The following PCDH9 variants were observed in gnomAD, a reference collection of about 807,000 sequenced individuals.
PCDH9 encodes the protein protocadherin-9.
In PCDH9, 24 loss-of-function variants were observed where a neutral mutation model predicts 70.6. The observed-to-expected ratio is 0.34, with a 90% CI of 0.25 to 0.48. The LOEUF is 0.48. Ranked by LOEUF, PCDH9 falls within the 20% of genes least tolerant of loss-of-function variation. PCDH9 has a pLI of 0.99. For synonymous variants in PCDH9, 562 were observed against 558.5 expected, an observed-to-expected ratio of 1.01 and a Z score of -0.09; for missense variants, 1,281 against 1,503.6, an observed-to-expected ratio of 0.85 and a Z score of 2.45.
chr13:66,432,520 T>A (rs1379258504), intron 4 of PCDH9, among the ~76,000 whole-genome samples: 1 of 151,892 alleles, frequency 6.6e-6, no homozygotes, highest in Non-Finnish European at 1.5e-5. Context: ...TTTAGTGAAA[T>A]TAGAAAAAAA....
At chr13:67,156,655 C>T (rs1287830301) in intron 2 of PCDH9, among the ~76,000 whole-genome samples, 1 of 152,198 alleles carries the variant, frequency 6.6e-6, no homozygotes, top group Admixed American at 6.5e-5. Flanking sequence ...TTTCGGTACA[C>T]AAAGGCGAGA....
At chr13:66,444,742 G>A (rs763033702) in intron 4 of PCDH9, among the ~76,000 whole-genome samples, 16 of 151,888 alleles carry the variant, frequency 1.1e-4, no homozygotes, top group Non-Finnish European at 2.2e-4. Flanking sequence ...TGTATTTTTA[G>A]TAGAGACGGG....
intron 4 of PCDH9, among the ~76,000 whole-genome samples, chr13:66,568,159 A>C (rs560589409): frequency 1.3e-5 from 2 of 152,268 alleles, no homozygotes; most frequent in East Asian, 3.9e-4. Flanking sequence ...TCTCCTAATC[A>C]TAAGAAGAAG....
At chr13:66,643,541 G>A (rs974090419) in intron 3 of PCDH9, among the ~76,000 whole-genome samples, 1 of 151,914 alleles carries the variant, frequency 6.6e-6, no homozygotes, top group East Asian at 1.9e-4. Context: ...AAACATTACC[G>A]AGTCACCTAT....
At chr13:67,063,660 T>G (rs1056701161) in intron 2 of PCDH9, among the ~76,000 whole-genome samples, 12 of 152,080 alleles carry the variant, frequency 7.9e-5, no homozygotes, top group African/African-American at 2.9e-4. Context: ...AATAGCAAAA[T>G]GCCTGTTTCA....
chr13:66,834,747 T>C (rs1279403413), intron 3 of PCDH9, among the ~76,000 whole-genome samples: 3 of 152,322 alleles, frequency 2.0e-5, no homozygotes, highest in African/African-American at 7.2e-5. Context: ...AGAATCAAAA[T>C]GCATAATGTT....
At chr13:66,838,889 G>A (rs531789290) in intron 3 of PCDH9, among the ~76,000 whole-genome samples, 114 of 151,862 alleles carry the variant, frequency 7.5e-4, no homozygotes, top group Non-Finnish European at 1.4e-3. Context: ...TAAAAATAAT[G>A]TCACTTATTT....
chr13:67,009,159 T>C (rs537936790), intron 2 of PCDH9, among the ~76,000 whole-genome samples: 1 of 152,246 alleles, frequency 6.6e-6, no homozygotes, highest in East Asian at 1.9e-4. Context: ...CGCAGGCTAC[T>C]GGTCTCAGAG....
intron 2 of PCDH9, chr13:67,202,848 TTGTATGTG>T (rs2089249541): frequency 6.6e-6 from 1 of 151,944 alleles, no homozygotes; most frequent in Admixed American, 6.6e-5. Context: ...TGCATCAGGG[TTGTATGTG>T]TGTGTGCTGT....
chr13:67,226,310 C>T lies in PCDH9; in HGVS notation c.2131G>A (p.Ala711Thr), dbSNP rs949336917. The T allele has an allele frequency of 6.2e-7, 1 of 1,614,062 alleles. No individual in the cohort carries two copies. The highest frequency in any genetic ancestry group is 8.5e-7 in the Non-Finnish European group (1 of 1,179,932). Residue 711 changes from alanine to threonine, a missense_variant, in exon 2 of 5, where the codon GCT (alanine) becomes ACT (threonine). Physicochemically the swap from Ala to Thr is moderately conservative, Grantham distance 58. Transcript: ENST00000377865. The surrounding 1 kb of genome is among the most constrained non-coding windows in gnomAD (Gnocchi z 5.0). ...FAVDVDTGMN[A>T]ELKYTIVSGN... ...CTCACTATAGTATACTTTAGTTCAGCGTTCATTCCAGTGTCAACATCCACT... is the reference window on the plus strand; with the variant it reads ...CTCACTATAGTATACTTTAGTTCAGTGTTCATTCCAGTGTCAACATCCACT...
At chr13:66,673,208 C>T (rs1471266233) in intron 3 of PCDH9, among the ~76,000 whole-genome samples, 3 of 152,092 alleles carry the variant, frequency 2.0e-5, no homozygotes, top group East Asian at 1.9e-4. Flanking sequence ...TGGGTTTTCC[C>T]ATGCTGTTCT....
intron 4 of PCDH9, among the ~76,000 whole-genome samples, chr13:66,460,427 A>G (rs1958402778): frequency 6.6e-6 from 1 of 151,876 alleles, no homozygotes; most frequent in Non-Finnish European, 1.5e-5. Flanking sequence ...AATGTTCTTC[A>G]TGGTCACATT....
At chr13:66,912,570 T>C (rs1049438242) in intron 2 of PCDH9, among the ~76,000 whole-genome samples, 2 of 152,062 alleles carry the variant, frequency 1.3e-5, no homozygotes, top group African/African-American at 2.4e-5. Flanking sequence ...GTTTTATGTA[T>C]GTGATTATCT....
intron 2 of PCDH9, among the ~76,000 whole-genome samples, chr13:67,122,018 T>A (rs1209644759): frequency 6.6e-6 from 1 of 152,164 alleles, no homozygotes; most frequent in Non-Finnish European, 1.5e-5. Flanking sequence ...TGTTAGTTGA[T>A]CCAGATTGAG....
chr13:66,445,197 A>G (rs906279465), intron 4 of PCDH9, among the ~76,000 whole-genome samples: 2 of 147,080 alleles, frequency 1.4e-5, no homozygotes, highest in Non-Finnish European at 3.0e-5. Flanking sequence ...ACCATGTAGT[A>G]CACTTCAAAT....
chr13:66,383,170 G>A (rs1208480981), intron 4 of PCDH9, among the ~76,000 whole-genome samples: 2 of 152,166 alleles, frequency 1.3e-5, no homozygotes, highest in Admixed American at 6.5e-5. Flanking sequence ...GAATAGAAGG[G>A]AAATTACACT....
intron 3 of PCDH9, among the ~76,000 whole-genome samples, chr13:66,638,173 C>T (rs1346823324): frequency 6.6e-6 from 1 of 152,144 alleles, no homozygotes; most frequent in Non-Finnish European, 1.5e-5. Flanking sequence ...CTATATTCCA[C>T]AACTTCCTAA....
chr13:66,932,275 G>GT (rs1289098655), intron 2 of PCDH9, among the ~76,000 whole-genome samples: 1 of 152,028 alleles, frequency 6.6e-6, no homozygotes, highest in Non-Finnish European at 1.5e-5. Context: ...CCGTGTCTCA[G>GT]TTTTTTCCTC....
At chr13:66,629,946 C>G (rs1258424398) in intron 4 of PCDH9, among the ~76,000 whole-genome samples, 7 of 152,176 alleles carry the variant, frequency 4.6e-5, no homozygotes, top group Admixed American at 2.6e-4. Context: ...TATCACACAA[C>G]TGGCTAAGAA....
Sources: allele counts gnomAD v4.1 joint callset (sites outside exome capture counted in the v4.1 genomes callset), GRCh38; gene constraint gnomAD v4.1.1; non-coding constraint Gnocchi (gnomAD v3.1); transcripts MANE v1.5; gene names NCBI Gene and HGNC (gene_info 2026-07-23, HGNC 2026-07-21).